Variants in LSM3 observed in about 807,000 individuals in gnomAD.
LSM3 encodes LSM3 homolog, U6 small nuclear RNA and mRNA degradation associated, also known as U6 snRNA-associated Sm-like protein LSm3.
LSM3 carries 14 observed loss-of-function variants against 15.4 expected under a neutral mutation model. The observed-to-expected ratio is 0.91, with a 90% CI of 0.60 to 1.42. The LOEUF is 1.42. Ranked by LOEUF, LSM3 falls within the 40% of genes most tolerant of loss-of-function variation. The pLI, the probability that LSM3 is intolerant of heterozygous loss-of-function variation, is 0.00. For synonymous variants in LSM3, 46 were observed against 45.1 expected, an observed-to-expected ratio of 1.02 and a Z score of -0.08; for missense variants, 88 against 127.9, an observed-to-expected ratio of 0.69 and a Z score of 1.50.
At chr3:14,190,841 G>A (rs1258352792) in intron 3 of LSM3, among the ~76,000 whole-genome samples, 3 of 152,166 alleles carry the variant, frequency 2.0e-5, no homozygotes, top group Non-Finnish European at 4.4e-5. Flanking sequence ...TAGGAGTGGT[G>A]AGAGGGCATC....
intron 3 of LSM3, 88 bp downstream of exon 3, chr3:14,184,120 T>C (rs1697064766): frequency 6.9e-7 from 1 of 1,447,032 alleles, no homozygotes; most frequent in East Asian, 2.5e-5. Context: ...AAGCCTGTCA[T>C]GTTTTGACAC....
rs116073896 is a variant in LSM3 at position 14,182,759 on chromosome 3, T to G, written c.132+1089T>G. Reference sequence around the variant, plus strand: ...TCATTTAATCTTTATAACAACCCTATGATGATACATACTAATTATTCCTGC... The same window carrying G: ...TCATTTAATCTTTATAACAACCCTAGGATGATACATACTAATTATTCCTGC... On this transcript the variant is annotated intron_variant, in intron 2 of 3. Coordinates refer to ENST00000306024, the MANE Select transcript of LSM3 (RefSeq NM_014463.3). Among the ~76,000 whole-genome samples the G allele has an allele frequency of 5.6e-3, 860 of 152,364 alleles. 7 individuals are homozygous for G. The highest frequency in any genetic ancestry group is 0.02 in the African/African-American group (824 of 41,580).
chr3:14,198,938 T>C lies in LSM3; in HGVS notation c.*822T>C, dbSNP rs1032872854. The C allele has an allele frequency of 6.6e-6, 1 of 151,962 alleles. No homozygotes were observed. The allele number at this position is 151,962 out of a possible 1,614,324, so 9.4% of individuals were successfully genotyped here. The stretch of plus-strand genomic sequence containing the variant: ...AAACCAACAATTGCAGGCAGTAAGA[T>C]TAGTGCTGATAGAATCATGCACATG... On this transcript the variant is annotated 3_prime_UTR_variant, in exon 4 of 4. Transcript: ENST00000306024.
chr3:14,184,993 G>T (rs1053076665), intron 3 of LSM3, among the ~76,000 whole-genome samples: 2 of 151,952 alleles, frequency 1.3e-5, no homozygotes, highest in Non-Finnish European at 2.9e-5. Flanking sequence ...GGAGGCGGAG[G>T]TTGCAGTGAG....
chr3:14,182,216 T>C (rs1697046192), intron 2 of LSM3, among the ~76,000 whole-genome samples: 1 of 152,206 alleles, frequency 6.6e-6, no homozygotes, highest in Non-Finnish European at 1.5e-5. Context: ...AATTTAAAAA[T>C]TGGGTTACCT....
intron 1 of LSM3, among the ~76,000 whole-genome samples, chr3:14,179,838 CAG>C (rs1467938893): frequency 1.3e-5 from 2 of 152,230 alleles, no homozygotes; most frequent in Non-Finnish European, 2.9e-5. Flanking sequence ...GCATCCCAGA[CAG>C]AGGCTTAGGT....
chr3:14,196,256 G>A (rs944290307), intron 3 of LSM3, among the ~76,000 whole-genome samples: 4 of 152,022 alleles, frequency 2.6e-5, no homozygotes, highest in Admixed American at 6.6e-5. Flanking sequence ...GTGCCTGGCC[G>A]AGTTTTGTGA....
At chr3:14,187,986 A>G (rs1198492113) in intron 3 of LSM3, among the ~76,000 whole-genome samples, 4 of 152,190 alleles carry the variant, frequency 2.6e-5, no homozygotes, top group Non-Finnish European at 2.9e-5. Context: ...CTCACCAGAC[A>G]GTTTCTCTTG....
rs1436714313 is a variant in LSM3 at position 14,180,820 on chromosome 3, C to CTTTTTTT, written c.22-740_22-739insTTTTTTT. Reference sequence around the variant, plus strand: ...TGACTCCAAAGCCAGTGCTTGCTTGCCTTTTTTTTTTTTTTTTTTTTTTTT... The same window carrying CTTTTTTT: ...TGACTCCAAAGCCAGTGCTTGCTTGCTTTTTTTCTTTTTTTTTTTTTTTTTTTTTTTT... On this transcript the variant is annotated intron_variant, in intron 1 of 3. Coordinates refer to ENST00000306024, the MANE Select transcript of LSM3 (RefSeq NM_014463.3). Among the ~76,000 whole-genome samples, 3 of 51,418 alleles carry CTTTTTTT rather than the reference C, an allele frequency of 5.8e-5. 1 individual carries two copies. The highest frequency in any genetic ancestry group is 3.7e-5 in the Non-Finnish European group (1 of 27,330). The allele number at this position is 51,418 out of a possible 152,430, so 33.7% of individuals were successfully genotyped here. A position where few individuals can be genotyped will look rare whatever the true frequency, so the allele number is the denominator to read the frequency against.
intron 1 of LSM3, among the ~76,000 whole-genome samples, chr3:14,181,071 T>C (rs2607739): frequency 0.65 from 98,453 of 151,716 alleles, 32,261 homozygotes; most frequent in African/African-American, 0.73. Context: ...ATTTATCTTA[T>C]TCACCAGTTG....
rs1697203921 is a variant in LSM3, at chr3:14,198,225, A to T, written c.*109A>T. 1 of 793,160 alleles carries T rather than the reference A, an allele frequency of 1.3e-6. No homozygotes were observed. Among genetic ancestry groups the T allele is most frequent in the Non-Finnish European group, 2.1e-6 (1 of 472,000 alleles). 49.1% of individuals were successfully genotyped at this position (793,160 alleles called of 1,614,324 possible). Reference sequence around the variant, plus strand: ...TGCATACATTTTGATATTAAGAAATAATTCCGGGGATTCTTCCACTCCTGA... The same window carrying T: ...TGCATACATTTTGATATTAAGAAATTATTCCGGGGATTCTTCCACTCCTGA... On this transcript the variant is annotated 3_prime_UTR_variant, in exon 4 of 4. Coordinates refer to ENST00000306024, the MANE Select transcript of LSM3 (RefSeq NM_014463.3).
intron 1 of LSM3, 105 bp from the exon 2 acceptor site, chr3:14,181,455 G>A: frequency 2.7e-6 from 2 of 727,382 alleles, no homozygotes; most frequent in South Asian, 1.6e-5. Flanking sequence ...AGGAGACTGA[G>A]GCAGAAAAAG....
chr3:14,198,359 C>T lies in LSM3; in HGVS notation c.*243C>T. Reference sequence around the variant, plus strand: ...ACCAAGATGCAGAACTCTTTCAGGACTTCTTTTGCTCCATTATTCTCACAG... The same window carrying T: ...ACCAAGATGCAGAACTCTTTCAGGATTTCTTTTGCTCCATTATTCTCACAG... On this transcript the variant is annotated 3_prime_UTR_variant, in exon 4 of 4. Coordinates refer to ENST00000306024, the MANE Select transcript of LSM3 (RefSeq NM_014463.3). The T allele has an allele frequency of 2.0e-6, 1 of 492,022 alleles. No individual in the cohort carries two copies. The highest frequency in any genetic ancestry group is 3.3e-5 in the East Asian group (1 of 30,488). The allele number at this position is 492,022 out of a possible 1,614,324, so 30.5% of individuals were successfully genotyped here. A position where few individuals can be genotyped will look rare whatever the true frequency, so the allele number is the denominator to read the frequency against.
At chr3:14,183,138 GT>G (rs1697055720) in intron 2 of LSM3, among the ~76,000 whole-genome samples, 1 of 152,192 alleles carries the variant, frequency 6.6e-6, no homozygotes, top group Non-Finnish European at 1.5e-5. Context: ...CTTTCTGTTT[GT>G]TTTGTGCCTC....
chr3:14,198,125 A>C lies in LSM3; in HGVS notation c.*9A>C, dbSNP rs1280638161. 3 of 1,610,164 alleles carry C rather than the reference A, an allele frequency of 1.9e-6. No homozygotes were observed. Among genetic ancestry groups the C allele is most frequent in the Non-Finnish European group, 2.5e-6 (3 of 1,177,240 alleles). On this transcript the variant is annotated 3_prime_UTR_variant, in exon 4 of 4. Transcript: ENST00000306024. ...CACTGAGAGTTGGCTGAAACAAAGA[A>C]TTTGTCCTGTATGGAAAACGGGAGA...
intron 3 of LSM3, among the ~76,000 whole-genome samples, chr3:14,192,424 T>C (rs568712712): frequency 1.1e-4 from 17 of 152,326 alleles, no homozygotes; most frequent in African/African-American, 3.8e-4. Context: ...CTAAGTCTCT[T>C]TATAGGTCTC....
At position 14,181,548 on chromosome 3, in the gene LSM3, T is replaced by A; in HGVS notation, c.22-12T>A. On this transcript the variant is annotated splice_polypyrimidine_tract_variant and intron_variant, in intron 1 of 3. Transcript: ENST00000306024. The stretch of plus-strand genomic sequence containing the variant: ...TCTAGTACTACATTACTAATCCTGT[T>A]TCTTTTATCAGCAACAAACTACCAA... 6.4e-7 allele frequency: 1 copy of A among 1,567,442 alleles called. No homozygotes were observed. Among genetic ancestry groups the A allele is most frequent in the Non-Finnish European group, 8.8e-7 (1 of 1,137,572 alleles).
chr3:14,200,984 AC>A lies in LSM3; in HGVS notation c.*2871del, dbSNP rs1385703291. 6.6e-6 allele frequency: 1 copy of A among 152,198 alleles called. No individual in the cohort carries two copies. Among genetic ancestry groups the A allele is most frequent in the Non-Finnish European group, 1.5e-5 (1 of 68,052 alleles). The allele number at this position is 152,198 out of a possible 1,614,324, so 9.4% of individuals were successfully genotyped here. On this transcript the variant is annotated 3_prime_UTR_variant, in exon 4 of 4. Coordinates refer to ENST00000306024, the MANE Select transcript of LSM3 (RefSeq NM_014463.3). ...CTGTCTCAAATAATACTTAGCTATT[AC>A]CCATATTGCTTTTAGCCTGCTGCCA...
rs191279671 is a variant in LSM3 at position 14,186,186 on chromosome 3, C to T, written c.228+2154C>T. Among the ~76,000 whole-genome samples, 15 of 152,336 alleles carry T rather than the reference C, an allele frequency of 9.8e-5. No individual in the cohort carries two copies. The East Asian group carries it at 2.3e-3, about 24-fold the overall frequency. On this transcript the variant is annotated intron_variant, in intron 3 of 3. Transcript: ENST00000306024. ...ACAGGTGGGAGCCACTATGCCAGGC[C>T]GTAGCAGAAAGAAAGGTCTTTAAGA...
Sources: gnomAD v4.1 joint callset for allele counts (sites outside exome capture counted in the v4.1 genomes callset) on GRCh38, gnomAD v4.1.1 for gene constraint, MANE v1.5 for transcripts, NCBI Gene and HGNC (gene_info 2026-07-23, HGNC 2026-07-21) for gene names.